The following FIG4 variants were observed in gnomAD, a reference collection of about 807,000 sequenced individuals.
The protein encoded by FIG4 is FIG4 phosphoinositide 5-phosphatase.
FIG4 carries 112 observed loss-of-function variants against 118.6 expected under a neutral mutation model. That is an observed-to-expected ratio of 0.94 (90% CI 0.81 to 1.11). The LOEUF is 1.11. Ranked by LOEUF, FIG4 falls within the 50% of genes least tolerant of loss-of-function variation. The pLI, the probability that FIG4 is intolerant of heterozygous loss-of-function variation, is 0.00. For missense variants in FIG4, 969 were observed against 1,111.7 expected, an observed-to-expected ratio of 0.87 and a Z score of 1.83; for synonymous variants, 369 against 381.2, an observed-to-expected ratio of 0.97 and a Z score of 0.37.
At chr6:109,713,071 G>A (rs1775316864) in intron 1 of FIG4, among the ~76,000 whole-genome samples, 1 of 152,176 alleles carries the variant, frequency 6.6e-6, no homozygotes, top group Non-Finnish European at 1.5e-5. Flanking sequence ...CTCTGACTTT[G>A]TTCTCTGGCT....
intron 19 of FIG4, 150 bp from the exon 20 acceptor site, chr6:109,791,226 T>A: frequency 2.9e-6 from 2 of 698,954 alleles, no homozygotes; most frequent in South Asian, 3.4e-5. Flanking sequence ...ATATGAACCT[T>A]TTCCCTGTAG....
chr6:109,738,503 T>C lies in FIG4; in HGVS notation c.775+50T>C, dbSNP rs1776229978. Reference sequence around the variant, plus strand: ...GATACATATTACTAAACTTATGATGTATCAATTTGTAGACAGCTACATATG... The same window carrying C: ...GATACATATTACTAAACTTATGATGCATCAATTTGTAGACAGCTACATATG... On this transcript the variant is annotated intron_variant, in intron 7 of 22. Coordinates refer to ENST00000230124, the MANE Select transcript of FIG4 (RefSeq NM_014845.6). 2.0e-6 allele frequency: 3 copies of C among 1,528,096 alleles called. No homozygotes were observed. In the South Asian group the frequency reaches 3.4e-5, roughly 17 times the overall value. The allele number at this position is 1,528,096 out of a possible 1,614,324, so 94.7% of individuals were successfully genotyped here.
chr6:109,713,422 G>A (rs1480409216), intron 1 of FIG4, among the ~76,000 whole-genome samples: 3 of 152,212 alleles, frequency 2.0e-5, no homozygotes, highest in African/African-American at 7.2e-5. Context: ...TCTGTGTGCT[G>A]CAGGCAGTGG....
intron 10 of FIG4, among the ~76,000 whole-genome samples, chr6:109,748,443 C>T (rs1776574059): frequency 1.3e-5 from 2 of 152,038 alleles, no homozygotes; most frequent in Admixed American, 1.3e-4. Flanking sequence ...GATTGCAGTC[C>T]TCACGAGGTG....
At chr6:109,800,914 C>T (rs1376831948) in intron 22 of FIG4, among the ~76,000 whole-genome samples, 1 of 152,144 alleles carries the variant, frequency 6.6e-6, no homozygotes, top group Non-Finnish European at 1.5e-5. Flanking sequence ...TGACCAAATG[C>T]CAGGTGAGAA....
At chr6:109,727,584 A>C (rs1775860672) in intron 4 of FIG4, among the ~76,000 whole-genome samples, 1 of 152,190 alleles carries the variant, frequency 6.6e-6, no homozygotes, top group Admixed American at 6.5e-5. Context: ...GAGGAATAGA[A>C]TAATCACATA....
chr6:109,787,497 TAACTC>T (rs1166283246), intron 18 of FIG4, among the ~76,000 whole-genome samples: 1 of 152,310 alleles, frequency 6.6e-6, no homozygotes, highest in African/African-American at 2.4e-5. Context: ...TAGAAGTTGT[TAACTC>T]AGCAAAAGAT....
At chr6:109,719,390 T>G (rs1052726840) in intron 3 of FIG4, among the ~76,000 whole-genome samples, 4 of 151,518 alleles carry the variant, frequency 2.6e-5, no homozygotes, top group Non-Finnish European at 2.9e-5. Flanking sequence ...GTGTGTGTGT[T>G]TTTTTTTTCT....
At chr6:109,709,348 T>G (rs1164604539) in intron 1 of FIG4, among the ~76,000 whole-genome samples, 1 of 152,230 alleles carries the variant, frequency 6.6e-6, no homozygotes, top group Non-Finnish European at 1.5e-5. Flanking sequence ...AGTACCATGC[T>G]GTTTTGGTTA....
rs566434894 is a variant in FIG4, at chr6:109,814,090, G to A, written c.2547-10998G>A. Among the ~76,000 whole-genome samples the A allele has an allele frequency of 2.6e-5, 4 of 152,256 alleles. No homozygotes were observed. In the East Asian group the frequency reaches 7.7e-4, roughly 29 times the overall value. ...AGGAATATCACAAAAGTGATGGTGA[G>A]TTCTTTTTATTGCATCCTACCATGG... On this transcript the variant is annotated intron_variant, in intron 22 of 22. Transcript: ENST00000230124.
intron 1 of FIG4, among the ~76,000 whole-genome samples, chr6:109,697,487 G>A (rs1229541808): frequency 6.6e-6 from 1 of 152,152 alleles, no homozygotes; most frequent in Non-Finnish European, 1.5e-5. Context: ...TTGCCTTCTT[G>A]CATCATGGAC....
intron 10 of FIG4, among the ~76,000 whole-genome samples, chr6:109,753,643 T>C (rs1776784316): frequency 6.6e-6 from 1 of 152,202 alleles, no homozygotes; most frequent in Non-Finnish European, 1.5e-5. Flanking sequence ...TAGTCCTCCT[T>C]GAAGAGGTCC....
At chr6:109,711,759 A>T (rs1775271557) in intron 1 of FIG4, among the ~76,000 whole-genome samples, 1 of 152,102 alleles carries the variant, frequency 6.6e-6, no homozygotes, top group South Asian at 2.1e-4. Context: ...TATTTAGTCC[A>T]TTTACATTCA....
At chr6:109,719,832 A>G (rs1775552740) in intron 3 of FIG4, among the ~76,000 whole-genome samples, 1 of 151,996 alleles carries the variant, frequency 6.6e-6, no homozygotes, top group Non-Finnish European at 1.5e-5. Flanking sequence ...TGTTCTTGAC[A>G]TGTTTGCTTT....
intron 22 of FIG4, among the ~76,000 whole-genome samples, chr6:109,822,914 A>G (rs935072107): frequency 6.7e-6 from 1 of 148,542 alleles, no homozygotes; most frequent in Non-Finnish European, 1.5e-5. Context: ...GTGTGTGTGT[A>G]TATATATATA....
intron 22 of FIG4, among the ~76,000 whole-genome samples, chr6:109,806,230 T>G (rs999019679): frequency 6.6e-6 from 1 of 152,180 alleles, no homozygotes; most frequent in African/African-American, 2.4e-5. Context: ...TTAATTTAGT[T>G]TATTGTTTGT....
intron 22 of FIG4, among the ~76,000 whole-genome samples, chr6:109,810,987 T>G (rs577527485): frequency 6.6e-6 from 1 of 152,310 alleles, no homozygotes; most frequent in East Asian, 1.9e-4. Flanking sequence ...TCTTGTGTTG[T>G]AGTTCCCAGA....
intron 15 of FIG4, among the ~76,000 whole-genome samples, chr6:109,771,868 T>C (rs1777475981): frequency 6.6e-6 from 1 of 152,206 alleles, no homozygotes; most frequent in Non-Finnish European, 1.5e-5. Flanking sequence ...ATCATCAGTT[T>C]CTCTGTCTCT....
At chr6:109,694,232 C>T (rs1042162323) in intron 1 of FIG4, among the ~76,000 whole-genome samples, 5 of 152,076 alleles carry the variant, frequency 3.3e-5, no homozygotes, top group African/African-American at 9.7e-5. Context: ...CAGACCTTTG[C>T]GATGACCTTG....
Sources: gnomAD v4.1 joint callset for allele counts (sites outside exome capture counted in the v4.1 genomes callset) on GRCh38, gnomAD v4.1.1 for gene constraint, MANE v1.5 for transcripts, NCBI Gene and HGNC (gene_info 2026-07-23, HGNC 2026-07-21) for gene names.